ABHD12: variants seen among roughly 807,000 people sequenced by gnomAD.
ABHD12 encodes the protein abhydrolase domain containing 12, lysophospholipase.
In ABHD12, 43 loss-of-function variants were observed where a neutral mutation model predicts 58.3. That is an observed-to-expected ratio of 0.74 (90% confidence interval 0.58 to 0.95). The LOEUF (loss-of-function observed/expected upper bound fraction) is 0.95. ABHD12 is among the 40% of genes least tolerant of loss of function. ABHD12 has a pLI of 0.00. For synonymous variants in ABHD12, 219 were observed against 211.2 expected (o/e 1.04, Z -0.32); for missense variants, 539 against 537.2 (o/e 1.00, Z -0.03).
chr20:25,316,308 G>A (rs1233268273), intron 5 of ABHD12, among the ~76,000 whole-genome samples: 3 of 152,174 alleles, frequency 2.0e-5, no homozygotes, highest in Non-Finnish European at 2.9e-5. Context: ...ACAGGCGCCC[G>A]CCACCACGCC....
At chr20:25,385,915 G>A (rs986077096) in intron 1 of ABHD12, among the ~76,000 whole-genome samples, 10 of 151,726 alleles carry the variant, frequency 6.6e-5, no homozygotes, top group Non-Finnish European at 1.3e-4. Context: ...TGGCTAACAC[G>A]GTGAAACCCC....
chr20:25,294,984 C>T, exon 13 of ABHD12: 1 of 1,614,222 alleles, frequency 6.2e-7, no homozygotes, highest in East Asian at 2.2e-5. Context: ...CACACCAGCT[C>T]TGACCACATG....
intron 1 of ABHD12, among the ~76,000 whole-genome samples, chr20:25,359,148 G>A (rs1424937434): frequency 2.0e-5 from 3 of 151,496 alleles, no homozygotes; most frequent in African/African-American, 7.3e-5. Flanking sequence ...TTGGCCGGGC[G>A]TGGTGGCTCA....
chr20:25,382,962 C>T (rs1183623265), intron 1 of ABHD12, among the ~76,000 whole-genome samples: 1 of 152,144 alleles, frequency 6.6e-6, no homozygotes, highest in Non-Finnish European at 1.5e-5. Context: ...GCTATGGCGC[C>T]ATAAACAAAG....
chr20:25,353,051 T>C lies in ABHD12; in HGVS notation c.192-13700A>G, dbSNP rs1457350082. 2.0e-5 allele frequency among the ~76,000 whole-genome samples: 3 copies of C among 152,224 alleles called. No individual in the cohort carries two copies. The East Asian group carries it at 5.8e-4, about 29-fold the overall frequency. ...CAAACAGAGCCTCCAAAATTGGTGA[T>C]TTTAAATTAGCAGCTCTATCGCCAC... On this transcript the variant is annotated intron_variant, in intron 1 of 12. Transcript: ENST00000339157.
chr20:25,303,744 T>C, intron 10 of ABHD12, 116 bp from the exon 11 acceptor site: 2 of 1,431,706 alleles, frequency 1.4e-6, no homozygotes, highest in Non-Finnish European at 1.9e-6. Context: ...GCCTGATTTC[T>C]GCTGGATTTC....
intron 1 of ABHD12, among the ~76,000 whole-genome samples, chr20:25,342,450 C>A (rs1381154734): frequency 7.9e-6 from 1 of 126,546 alleles, no homozygotes; most frequent in African/African-American, 3.2e-5. Context: ...TTTGCAGATA[C>A]CACATTTTTT....
chr20:25,381,428 A>G (rs1233582082), intron 1 of ABHD12, among the ~76,000 whole-genome samples: 1 of 152,202 alleles, frequency 6.6e-6, no homozygotes, highest in Non-Finnish European at 1.5e-5. Context: ...CAAACTGTTA[A>G]ATGAGTGGCT....
chr20:25,368,119 G>A (rs532370801), intron 1 of ABHD12, among the ~76,000 whole-genome samples: 3 of 152,224 alleles, frequency 2.0e-5, no homozygotes, highest in Non-Finnish European at 2.9e-5. Flanking sequence ...AATCCAGCTA[G>A]GCACGGAAGG....
At chr20:25,315,213 G>A (rs1452338617) in intron 5 of ABHD12, among the ~76,000 whole-genome samples, 3 of 152,108 alleles carry the variant, frequency 2.0e-5, no homozygotes, top group Admixed American at 2.0e-4. Context: ...CCTTCCTCCT[G>A]CTTAGACGCT....
rs879047798 is a variant in ABHD12 at position 25,312,140 on chromosome 20, G to A, written c.620-2565C>T. Among the ~76,000 whole-genome samples the A allele has an allele frequency of 5.3e-5, 8 of 152,106 alleles. No homozygotes were observed. In the South Asian group the frequency reaches 6.2e-4, roughly 12 times the overall value. On this transcript the variant is annotated intron_variant, in intron 6 of 12. Coordinates refer to ENST00000339157, the MANE Select transcript of ABHD12 (RefSeq NM_001042472.3). ...TCAAGACCAGCCTGGGCAACATGGCGAAACCCTCTCTTAAAAAAAATAAAA... is the reference window on the plus strand; with the variant it reads ...TCAAGACCAGCCTGGGCAACATGGCAAAACCCTCTCTTAAAAAAAATAAAA...
chr20:25,378,873 C>T (rs191889567), intron 1 of ABHD12, among the ~76,000 whole-genome samples: 9 of 152,304 alleles, frequency 5.9e-5, no homozygotes, highest in Admixed American at 5.9e-4. Context: ...CACCAACACC[C>T]ATCTGCCCTC....
Position 25,300,801 on chromosome 20 carries a change from G to T in ABHD12, c.*44C>A, listed in dbSNP as rs750402782. 2 of 1,613,858 alleles carry T rather than the reference G, an allele frequency of 1.2e-6. No individual in the cohort carries two copies. The highest frequency in any genetic ancestry group is 1.7e-6 in the Non-Finnish European group (2 of 1,179,904). On this transcript the variant is annotated 3_prime_UTR_variant, in exon 13 of 13. Transcript: ENST00000339157. Reference sequence around the variant, plus strand: ...ACCGGGCTGCTGACTGGAGGAAAACGGGAGGAGGGCAGAGGTCTTCATGCT... The same window carrying T: ...ACCGGGCTGCTGACTGGAGGAAAACTGGAGGAGGGCAGAGGTCTTCATGCT...
In ABHD12 at chr20:25,390,644, C is replaced by A; in HGVS notation, c.60G>T (p.Ser20=). The A allele has an allele frequency of 1.4e-6, 2 of 1,448,060 alleles. No individual in the cohort carries two copies. Among genetic ancestry groups the A allele is most frequent in the African/African-American group, 1.5e-5 (1 of 67,408 alleles). 89.7% of individuals were successfully genotyped at this position (1,448,060 alleles called of 1,614,324 possible). A position where few individuals can be genotyped will look rare whatever the true frequency, so the allele number is the denominator to read the frequency against. The change falls in exon 1 of 13, where the codon TCG becomes TCT. Residue 20 remains serine, a synonymous_variant. Coordinates refer to ENST00000339157, the MANE Select transcript of ABHD12 (RefSeq NM_001042472.3). ...LEHERCAAAG[S]SSSGSAAAAL... is the part of the protein sequence containing the mutation. Reference sequence around the variant, plus strand: ...CCGCGGCGGCCGAGCCGGAGGAGGACGAGCCCGCGGCGGCGCAGCGCTCAT... The same window carrying A: ...CCGCGGCGGCCGAGCCGGAGGAGGAAGAGCCCGCGGCGGCGCAGCGCTCAT...
At chr20:25,308,431 C>G (rs767556245) in intron 8 of ABHD12, 26 bp downstream of exon 8, 2 of 1,608,676 alleles carry the variant, frequency 1.2e-6, no homozygotes, top group Non-Finnish European at 1.7e-6. Flanking sequence ...CTCACTGCCA[C>G]GGCTGGGGCC....
chr20:25,337,468 C>T (rs1249473286), intron 2 of ABHD12, among the ~76,000 whole-genome samples: 1 of 152,260 alleles, frequency 6.6e-6, no homozygotes, highest in Non-Finnish European at 1.5e-5. Flanking sequence ...CAGTCTACCA[C>T]CTCCTTAGGA....
At chr20:25,339,070 AG>A (rs2089418969) in intron 2 of ABHD12, 156 bp downstream of exon 2, 1 of 1,407,960 alleles carries the variant, frequency 7.1e-7, no homozygotes, top group Admixed American at 2.6e-5. Flanking sequence ...CTATCTCTAA[AG>A]ATATAGGTAT....
intron 1 of ABHD12, among the ~76,000 whole-genome samples, chr20:25,378,232 CA>C (rs918186244): frequency 6.6e-6 from 1 of 152,170 alleles, no homozygotes; most frequent in Non-Finnish European, 1.5e-5. Context: ...TTCTCTTTGC[CA>C]AAGGCATCAT....
chr20:25,309,628 G>A, intron 6 of ABHD12, 53 bp from the exon 7 acceptor site: 2 of 1,610,038 alleles, frequency 1.2e-6, no homozygotes, highest in Non-Finnish European at 1.7e-6. Flanking sequence ...CACAAAACCT[G>A]GACAAACACA....
Sources: gnomAD v4.1 joint callset for allele counts (sites outside exome capture counted in the v4.1 genomes callset) on GRCh38, gnomAD v4.1.1 for gene constraint, MANE v1.5 for transcripts, NCBI Gene and HGNC (gene_info 2026-07-23, HGNC 2026-07-21) for gene names.